DNAJC2: variants seen among roughly 807,000 people sequenced by gnomAD.
DNAJC2 encodes DnaJ heat shock protein family (Hsp40) member C2, also known as dnaJ homolog subfamily C member 2.
In DNAJC2, 32 loss-of-function variants were observed where a neutral mutation model predicts 94.0. That is an observed-to-expected ratio of 0.34 (90% confidence interval 0.26 to 0.46). The LOEUF is 0.46. Ranked by LOEUF, DNAJC2 falls within the 20% of genes least tolerant of loss-of-function variation. DNAJC2 has a pLI of 1.00. For missense variants in DNAJC2, 550 were observed against 719.5 expected, an observed-to-expected ratio of 0.76 and a Z score of 2.69; for synonymous variants, 210 against 229.7, an observed-to-expected ratio of 0.91 and a Z score of 0.77.
chr7:103,332,914 A>G (rs2115998380), intron 3 of DNAJC2, among the ~76,000 whole-genome samples: 1 of 152,320 alleles, frequency 6.6e-6, no homozygotes, highest in Admixed American at 6.5e-5. Context: ...ATGAGCCACC[A>G]TGATTAGCTC....
chr7:103,328,960 T>C, intron 3 of DNAJC2: 1 of 1,257,368 alleles, frequency 8.0e-7, no homozygotes, highest in Middle Eastern at 2.2e-4. Flanking sequence ...ACTTCATGAA[T>C]GGAAATGGAA....
intron 12 of DNAJC2, among the ~76,000 whole-genome samples, chr7:103,318,321 A>G (rs1818188929): frequency 6.6e-6 from 1 of 152,152 alleles, no homozygotes; most frequent in South Asian, 2.1e-4. Flanking sequence ...ACACGACACC[A>G]TGCCAGTTAA....
chr7:103,321,503 G>A (rs936143055), intron 10 of DNAJC2, among the ~76,000 whole-genome samples: 1 of 151,814 alleles, frequency 6.6e-6, no homozygotes, highest in African/African-American at 2.4e-5. Context: ...AGGTGACAGT[G>A]CGAGACTCCA....
intron 3 of DNAJC2, chr7:103,336,672 T>G (rs1042884693): frequency 6.6e-6 from 1 of 152,258 alleles, no homozygotes; most frequent in African/African-American, 2.4e-5. Flanking sequence ...ATAGTAAAAC[T>G]TTGCAAACAC....
intron 10 of DNAJC2, among the ~76,000 whole-genome samples, chr7:103,321,331 A>G (rs1387196194): frequency 6.6e-6 from 1 of 152,090 alleles, no homozygotes; most frequent in East Asian, 1.9e-4. Context: ...AGCCTGGCCA[A>G]CACAGTGAAA....
chr7:103,312,898 C>A, intron 16 of DNAJC2, 49 bp downstream of exon 16: 1 of 1,577,870 alleles, frequency 6.3e-7, no homozygotes, highest in Non-Finnish European at 8.6e-7. Context: ...CTATATCACC[C>A]AAGCTACAAT....
chr7:103,322,804 A>G lies in DNAJC2; in HGVS notation c.720-10T>C. ...TCTCCTCTCATCACGACTATAAAAT[A>G]GAAAATATTGGAAACAAACTACTGC... On this transcript the variant is annotated splice_polypyrimidine_tract_variant and intron_variant, in intron 7 of 16. Coordinates refer to ENST00000379263, the MANE Select transcript of DNAJC2 (RefSeq NM_014377.3). 1 of 1,596,304 alleles carries G rather than the reference A, an allele frequency of 6.3e-7. No individual in the cohort carries two copies. The highest frequency in any genetic ancestry group is 8.5e-7 in the Non-Finnish European group (1 of 1,175,312).
intron 15 of DNAJC2, 37 bp from the exon 16 acceptor site, chr7:103,313,138 G>C: frequency 6.3e-7 from 1 of 1,580,216 alleles, no homozygotes. Context: ...AACTGTCTTT[G>C]AACATGTTCT....
chr7:103,326,680 A>G lies in DNAJC2; in HGVS notation c.435T>C (p.Tyr145=). 4 of 1,599,744 alleles carry G rather than the reference A, an allele frequency of 2.5e-6. No individual in the cohort carries two copies. Among genetic ancestry groups the G allele is most frequent in the Non-Finnish European group, 3.4e-6 (4 of 1,175,924 alleles). The change falls in exon 5 of 17, where the codon TAT becomes TAC. Residue 145 remains tyrosine, a synonymous_variant. Transcript: ENST00000379263. ...NDYFTCITKA[Y]EMLSDPVKRR... is the part of the protein sequence containing the mutation. The stretch of plus-strand genomic sequence containing the variant: ...TTTTCACTGGATCAGATAACATTTC[A>G]TAAGCTGAGAAAAAAATTGTTAAGA...
intron 7 of DNAJC2, among the ~76,000 whole-genome samples, chr7:103,323,091 G>A (rs546031826): frequency 1.6e-4 from 25 of 152,004 alleles, no homozygotes; most frequent in Non-Finnish European, 3.4e-4. Flanking sequence ...CACCATGCCT[G>A]GCTACTTTTT....
intron 12 of DNAJC2, among the ~76,000 whole-genome samples, chr7:103,317,971 A>C (rs1313986076): frequency 7.3e-6 from 1 of 137,756 alleles, no homozygotes; most frequent in Non-Finnish European, 1.6e-5. Flanking sequence ...TAAATAAATA[A>C]GATTCTTGTA....
chr7:103,320,903 T>C lies in DNAJC2; in HGVS notation c.1083+1029A>G, dbSNP rs1238232653. On this transcript the variant is annotated intron_variant, in intron 10 of 16. Transcript: ENST00000379263. ...ACATTTGCATAGTAAAGAAAAGAAA[T>C]ACATTTATGCTTGGCCAGGTGCAGT... 3.4e-5 allele frequency: 5 copies of C among 145,656 alleles called. 1 individual carries two copies. In the South Asian group the frequency reaches 6.4e-4, roughly 19 times the overall value. The allele number at this position is 145,656 out of a possible 1,614,324, so 9.0% of individuals were successfully genotyped here. A position where few individuals can be genotyped will look rare whatever the true frequency, so the allele number is the denominator to read the frequency against.
chr7:103,315,169 A>T (rs1416200885), intron 15 of DNAJC2, among the ~76,000 whole-genome samples: 7 of 146,796 alleles, frequency 4.8e-5, no homozygotes, highest in Admixed American at 3.4e-4. Flanking sequence ...AAACCCTAAC[A>T]TTTTTTTTTT....
rs148863577 is a variant in DNAJC2, at chr7:103,327,242, A to C, written c.430+414T>G. On this transcript the variant is annotated intron_variant, in intron 4 of 16. Transcript: ENST00000379263. The stretch of plus-strand genomic sequence containing the variant: ...CTTCTTGATTTAAACTAGGCTAGCA[A>C]AACATCTAAGGAACAGTTTAGTCCC... 1,136 of 656,294 alleles carry C rather than the reference A, an allele frequency of 1.7e-3. 11 individuals are homozygous for C. In the Middle Eastern group the frequency reaches 0.031, roughly 18 times the overall value. 40.7% of individuals were successfully genotyped at this position (656,294 alleles called of 1,614,324 possible). A position where few individuals can be genotyped will look rare whatever the true frequency, so the allele number is the denominator to read the frequency against.
intron 15 of DNAJC2, among the ~76,000 whole-genome samples, chr7:103,315,238 T>C (rs904177121): frequency 1.3e-5 from 2 of 151,638 alleles, no homozygotes; most frequent in Non-Finnish European, 2.9e-5. Flanking sequence ...CATTTTATTT[T>C]GAAATAATTT....
chr7:103,322,416 A>G (rs1393734690), intron 9 of DNAJC2, 95 bp downstream of exon 9: 2 of 1,240,176 alleles, frequency 1.6e-6, no homozygotes, highest in Non-Finnish European at 2.2e-6. Flanking sequence ...CTGCTTTCGA[A>G]TTATAGTTTT....
rs768745786 is a variant in DNAJC2, at chr7:103,337,831, G to A, written c.256-20C>T. On this transcript the variant is annotated intron_variant, in intron 2 of 16. Transcript: ENST00000379263. ...TTGGTTCTGGAAAAAAAACACAAAA[G>A]GGAGTCAAATTTGAAATGAAGCCAA... 1.9e-6 allele frequency: 3 copies of A among 1,599,294 alleles called. No individual in the cohort carries two copies. Among genetic ancestry groups the A allele is most frequent in the South Asian group, 2.2e-5 (2 of 89,896 alleles).
intron 4 of DNAJC2, chr7:103,327,439 T>A: frequency 1.2e-6 from 1 of 804,678 alleles, no homozygotes; most frequent in Non-Finnish European, 2.0e-6. Flanking sequence ...GCATTTCTAA[T>A]AAGCTGCCAG....
rs757803600 is a variant in DNAJC2 at position 103,319,820 on chromosome 7, CATT to C, written c.1105_1107del (p.Asn369del). On this transcript the variant is annotated inframe_deletion, in exon 11 of 17. Transcript: ENST00000379263. ...TCCATCATTTTAACCCGCTCTGCCT[CATT>C]ATCAGAAAAATGATTCCAGGTCTAA... 6.2e-7 allele frequency: 1 copy of C among 1,614,180 alleles called. No homozygotes were observed. Among genetic ancestry groups the C allele is most frequent in the Non-Finnish European group, 8.5e-7 (1 of 1,180,032 alleles).
Sources: gnomAD v4.1 joint callset for allele counts (sites outside exome capture counted in the v4.1 genomes callset) on GRCh38, gnomAD v4.1.1 for gene constraint, MANE v1.5 for transcripts, NCBI Gene and HGNC (gene_info 2026-07-23, HGNC 2026-07-21) for gene names.